Variants in PTPMT1 observed in about 807,000 individuals in gnomAD.
PTPMT1 encodes the protein protein tyrosine phosphatase mitochondrial 1, also known as phosphatidylglycerophosphatase and protein-tyrosine phosphatase 1.
PTPMT1 carries 12 observed loss-of-function variants against 17.8 expected under a neutral mutation model. That is an observed-to-expected ratio of 0.67 (90% CI 0.43 to 1.09). The LOEUF is 1.09. Among genes scored for constraint, PTPMT1 ranks in the 50% least tolerant of loss-of-function variants. PTPMT1 has a pLI of 0.00. For missense variants in PTPMT1, 262 were observed against 266.0 expected, an observed-to-expected ratio of 0.99 and a Z score of 0.10; for synonymous variants, 132 against 116.8, an observed-to-expected ratio of 1.13 and a Z score of -0.84.
chr11:47,568,897 G>A (rs995776127), intron 2 of PTPMT1, among the ~76,000 whole-genome samples: 7 of 151,804 alleles, frequency 4.6e-5, no homozygotes, highest in African/African-American at 1.7e-4. Context: ...CCCCATGTTA[G>A]CCAGGCTGGT....
chr11:47,572,731 G>T lies in PTPMT1; in HGVS notation c.*1102G>T. 1 of 607,670 alleles carries T rather than the reference G, an allele frequency of 1.6e-6. No individual in the cohort carries two copies. Among genetic ancestry groups the T allele is most frequent in the South Asian group, 2.1e-5 (1 of 47,262 alleles). The allele number at this position is 607,670 out of a possible 1,614,324, so 37.6% of individuals were successfully genotyped here. A position where few individuals can be genotyped will look rare whatever the true frequency, so the allele number is the denominator to read the frequency against. On this transcript the variant is annotated 3_prime_UTR_variant, in exon 4 of 4. Coordinates refer to ENST00000326674, the MANE Select transcript of PTPMT1 (RefSeq NM_175732.3). ...ATGGCAGAGAACAGGCTGGCCTACTGTCAGTTCAAGCAACCAGCTGAGCAG... is the reference window on the plus strand; with the variant it reads ...ATGGCAGAGAACAGGCTGGCCTACTTTCAGTTCAAGCAACCAGCTGAGCAG...
At position 47,573,355 on chromosome 11, in the gene PTPMT1, C is replaced by T. The variant is rs755861672; in HGVS notation, c.*1726C>T. ...TCCCCCCCTAGTAAGTAGATGATCC[C>T]GTTGAGGTTGGCACCAGCAGCCCCT... On this transcript the variant is annotated 3_prime_UTR_variant, in exon 4 of 4. Coordinates refer to ENST00000326674, the MANE Select transcript of PTPMT1 (RefSeq NM_175732.3). The surrounding 1 kb of genome is among the most constrained non-coding windows in gnomAD (Gnocchi z 4.1). 18 of 1,614,168 alleles carry T rather than the reference C, an allele frequency of 1.1e-5. No individual in the cohort carries two copies. Among genetic ancestry groups the T allele is most frequent in the Non-Finnish European group, 1.1e-5 (13 of 1,180,026 alleles).
In PTPMT1 at chr11:47,571,848, C is replaced by T. The variant is rs182215659; in HGVS notation, c.*219C>T. The T allele has an allele frequency of 1.9e-6, 1 of 525,988 alleles. No individual in the cohort carries two copies. Among genetic ancestry groups the T allele is most frequent in the East Asian group, 3.2e-5 (1 of 30,888 alleles). 32.6% of individuals were successfully genotyped at this position (525,988 alleles called of 1,614,324 possible). Reference sequence around the variant, plus strand: ...TAGTGTGGCTTGTATTCATGGGATACAGGACAGGGATGGGGCTATCATCTT... The same window carrying T: ...TAGTGTGGCTTGTATTCATGGGATATAGGACAGGGATGGGGCTATCATCTT... On this transcript the variant is annotated 3_prime_UTR_variant, in exon 4 of 4. Coordinates refer to ENST00000326674, the MANE Select transcript of PTPMT1 (RefSeq NM_175732.3).
At chr11:47,568,166 C>T (rs966808237) in intron 2 of PTPMT1, among the ~76,000 whole-genome samples, 25 of 151,808 alleles carry the variant, frequency 1.6e-4, no homozygotes, top group Middle Eastern at 3.4e-3. Context: ...GTGATCCGCC[C>T]GCCTTGGCCT....
chr11:47,572,598 G>T lies in PTPMT1; in HGVS notation c.*969G>T. ...CATCTTTCCTTATGTCCTGGGATCA[G>T]GGGTGCTTACATTTAACATTGATCA... On this transcript the variant is annotated 3_prime_UTR_variant, in exon 4 of 4. Coordinates refer to ENST00000326674, the MANE Select transcript of PTPMT1 (RefSeq NM_175732.3). 1 of 299,596 alleles carries T rather than the reference G, an allele frequency of 3.3e-6. No homozygotes were observed. Among genetic ancestry groups the T allele is most frequent in the South Asian group, 7.0e-5 (1 of 14,302 alleles). The allele number at this position is 299,596 out of a possible 1,614,324, so 18.6% of individuals were successfully genotyped here.
chr11:47,565,809 G>A lies in PTPMT1; in HGVS notation c.174+13G>A. ...CTTGACGCGCCAGGTGAGCCGGGCC[G>A]GGGAGCCCGGGCCCCTGCCCCGTCC... On this transcript the variant is annotated intron_variant, in intron 1 of 3. Transcript: ENST00000326674. The A allele has an allele frequency of 6.3e-7, 1 of 1,584,806 alleles. No individual in the cohort carries two copies. Among genetic ancestry groups the A allele is most frequent in the Non-Finnish European group, 8.6e-7 (1 of 1,166,714 alleles).
chr11:47,568,158 G>A (rs1239578207), intron 2 of PTPMT1, among the ~76,000 whole-genome samples: 7 of 151,244 alleles, frequency 4.6e-5, no homozygotes, highest in Non-Finnish European at 1.0e-4. Context: ...CTGACCTCGT[G>A]ATCCGCCCGC....
intron 3 of PTPMT1, among the ~76,000 whole-genome samples, chr11:47,570,151 T>C (rs1430530627): frequency 2.9e-5 from 4 of 139,036 alleles, no homozygotes; most frequent in African/African-American, 1.1e-4. Context: ...TTTGTGCCAC[T>C]GCACTGCAGC....
At chr11:47,567,942 G>A (rs933701889) in intron 2 of PTPMT1, among the ~76,000 whole-genome samples, 5 of 151,888 alleles carry the variant, frequency 3.3e-5, no homozygotes, top group African/African-American at 7.3e-5. Context: ...TTTTTGAGAC[G>A]GAGTCTTGCT....
In PTPMT1 at chr11:47,573,074, G is replaced by A. The variant is rs942278259; in HGVS notation, c.*1445G>A. On this transcript the variant is annotated 3_prime_UTR_variant, in exon 4 of 4. Transcript: ENST00000326674. The surrounding 1 kb of genome is among the most constrained non-coding windows in gnomAD (Gnocchi z 4.1). Reference sequence around the variant, plus strand: ...GGAAGACATAGATGCTCCCGTTACAGCTGGCAATCTTCCAGAGGGATGGGG... The same window carrying A: ...GGAAGACATAGATGCTCCCGTTACAACTGGCAATCTTCCAGAGGGATGGGG... 2 of 1,614,198 alleles carry A rather than the reference G, an allele frequency of 1.2e-6. No homozygotes were observed. Among genetic ancestry groups the A allele is most frequent in the South Asian group, 1.1e-5 (1 of 91,084 alleles).
In PTPMT1 at chr11:47,571,602, T is replaced by A. The variant is rs763511906; in HGVS notation, c.579T>A (p.Asp193Glu). The change falls in exon 4 of 4, where the codon GAT becomes GAA. Residue 193 changes from aspartate (D) to glutamate (E), a missense_variant. Asp to Glu is a conservative substitution (Grantham distance 45). Coordinates refer to ENST00000326674, the MANE Select transcript of PTPMT1 (RefSeq NM_175732.3). ...AGATTACTGCACGGGCAACAAAGGA[T>A]GGGACTTTTGTCATTTCAAAGACAT... ...HKQITARATK[D>E]GTFVISKT is the part of the protein sequence containing the mutation. 1 of 1,613,974 alleles carries A rather than the reference T, an allele frequency of 6.2e-7. No individual in the cohort carries two copies. The highest frequency in any genetic ancestry group is 1.7e-5 in the Admixed American group (1 of 59,978).
In PTPMT1 at chr11:47,571,553, A is replaced by G. The variant is rs1365135731; in HGVS notation, c.530A>G (p.Asp177Gly). ...ATCCACATCAGGCCTGGCCAGCTGG[A>G]TGTTCTTAAAGAGTTCCACAAGCAG... The part of the protein sequence containing the change: ...SYIHIRPGQL[D>G]VLKEFHKQIT... Residue 177 changes from aspartate (D) to glycine (G), a missense_variant, in exon 4 of 4, where the codon GAT (aspartate) becomes GGT (glycine). Physicochemically the swap from Asp to Gly is moderately conservative, Grantham distance 94. Transcript: ENST00000326674. The G allele has an allele frequency of 1.2e-6, 2 of 1,613,954 alleles. No individual in the cohort carries two copies. Among genetic ancestry groups the G allele is most frequent in the South Asian group, 2.2e-5 (2 of 91,078 alleles).
intron 2 of PTPMT1, 25 bp from the exon 3 acceptor site, chr11:47,569,675 T>C (rs2097248463): frequency 6.4e-7 from 1 of 1,564,048 alleles, no homozygotes; most frequent in Non-Finnish European, 8.7e-7. Flanking sequence ...CATTCTCTTT[T>C]TCATACTGGT....
intron 2 of PTPMT1, among the ~76,000 whole-genome samples, chr11:47,568,341 A>C (rs1305629340): frequency 6.6e-6 from 1 of 152,120 alleles, no homozygotes; most frequent in Non-Finnish European, 1.5e-5. Context: ...TGTACCCCAA[A>C]TCTGCAGCTG....
In PTPMT1 at chr11:47,571,550, TG is replaced by T; in HGVS notation, c.529del (p.Asp177MetfsTer39). The T allele has an allele frequency of 1.2e-6, 2 of 1,613,976 alleles. No individual in the cohort carries two copies. The highest frequency in any genetic ancestry group is 1.7e-6 in the Non-Finnish European group (2 of 1,180,000). On this transcript the variant is annotated frameshift_variant, in exon 4 of 4. Transcript: ENST00000326674. LOFTEE classifies it low-confidence loss of function (END_TRUNC). ...RSYIHIRPGQ[L>X]DVLKEFHKQI... ...TACATCCACATCAGGCCTGGCCAGC[TG>T]GATGTTCTTAAAGAGTTCCACAAGC...
At chr11:47,566,467 C>T (rs909239819) in intron 2 of PTPMT1, among the ~76,000 whole-genome samples, 58 of 130,302 alleles carry the variant, frequency 4.5e-4, no homozygotes, top group Admixed American at 4.4e-4. Context: ...CAGCCTTGGG[C>T]GACAGGAGTG....
chr11:47,566,108 C>A, intron 2 of PTPMT1, 122 bp downstream of exon 2: 1 of 1,107,896 alleles, frequency 9.0e-7, no homozygotes, highest in Non-Finnish European at 1.2e-6. Context: ...GTGTCTCAAG[C>A]TGCTTTGCCT....
chr11:47,565,900 C>T lies in PTPMT1; in HGVS notation c.175-6C>T, dbSNP rs11537751. The T allele has an allele frequency of 0.048, 77,269 of 1,612,548 alleles. 2,067 individuals carry two copies. The highest frequency in any genetic ancestry group is 0.06 in the Middle Eastern group (366 of 6,060). ...TCTTTGCTGAGCCACCTCTTTGCCT[C>T]GGCAGCTGGTACAGGACGAGAACGT... On this transcript the variant is annotated splice_polypyrimidine_tract_variant and splice_region_variant and intron_variant, in intron 1 of 3. Coordinates refer to ENST00000326674, the MANE Select transcript of PTPMT1 (RefSeq NM_175732.3).
At position 47,565,632 on chromosome 11, in the gene PTPMT1, A is replaced by G; in HGVS notation, c.10A>G (p.Thr4Ala). 2 of 1,315,184 alleles carry G rather than the reference A, an allele frequency of 1.5e-6. No homozygotes were observed. The highest frequency in any genetic ancestry group is 1.9e-6 in the Non-Finnish European group (2 of 1,033,842). The allele number at this position is 1,315,184 out of a possible 1,614,324, so 81.5% of individuals were successfully genotyped here. A position where few individuals can be genotyped will look rare whatever the true frequency, so the allele number is the denominator to read the frequency against. ...GCTGCGCCGGGCCGGGATGGCGGCCACCGCGCTGCTGGAGGCCGGCCTGGC... is the reference window on the plus strand; with the variant it reads ...GCTGCGCCGGGCCGGGATGGCGGCCGCCGCGCTGCTGGAGGCCGGCCTGGC... MAA[T>A]ALLEAGLARV... The change falls in exon 1 of 4, where the codon ACC (threonine) becomes GCC (alanine). Residue 4 changes from threonine to alanine, a missense_variant. Transcript: ENST00000326674.
Sources: gnomAD v4.1 joint callset for allele counts (sites outside exome capture counted in the v4.1 genomes callset) on GRCh38, gnomAD v4.1.1 for gene constraint, Gnocchi (gnomAD v3.1) non-coding constraint, MANE v1.5 for transcripts, NCBI Gene and HGNC (gene_info 2026-07-23, HGNC 2026-07-21) for gene names.